Variants in HELZ observed in about 807,000 individuals in gnomAD.
The protein encoded by HELZ is ATP-dependent RNA helicase with zinc finger domain.
HELZ carries 23 observed loss-of-function variants against 218.2 expected under a neutral mutation model. The observed-to-expected ratio is 0.11, with a 90% confidence interval of 0.08 to 0.15. The LOEUF is 0.15. Among genes scored for constraint, HELZ ranks in the 10% least tolerant of loss-of-function variants. The pLI, the probability that HELZ is intolerant of heterozygous loss-of-function variation, is 1.00. For synonymous variants in HELZ, 814 were observed against 829.4 expected (o/e 0.98, Z 0.32); for missense variants, 1,813 against 2,353.7 (o/e 0.77, Z 4.75).
Position 67,107,436 on chromosome 17 carries a change from G to C in HELZ, c.4974C>G (p.Phe1658Leu), listed in dbSNP as rs1408367338. The C allele has an allele frequency of 1.2e-6, 2 of 1,614,168 alleles. No individual in the cohort carries two copies. The highest frequency in any genetic ancestry group is 1.7e-6 in the Non-Finnish European group (2 of 1,180,018). The change falls in exon 31 of 33, where the codon TTC (phenylalanine) becomes TTG (leucine). Residue 1658 changes from phenylalanine to leucine, a missense_variant. Phe to Leu is a conservative substitution (Grantham distance 22). Around this residue, in one of 4 missense-constraint regions of HELZ, gnomAD observed 938 missense variants for 1,027.5 expected, o/e 0.91. Coordinates refer to ENST00000358691, the MANE Select transcript of HELZ (RefSeq NM_014877.4). Reference protein sequence around the residue: ...AFPQRLPPQIFNSPFSLPSEH... With the variant: ...AFPQRLPPQILNSPFSLPSEH... ...CAGATGGCAACGAGAAAGGTGAGTT[G>C]AATATCTGGGGTGGGAGGCGCTGTG...
chr17:67,170,957 G>A (rs998370433), intron 13 of HELZ, among the ~76,000 whole-genome samples: 4 of 151,822 alleles, frequency 2.6e-5, no homozygotes, highest in Non-Finnish European at 4.4e-5. Context: ...CTCAGAGGGA[G>A]GAGATTACTT....
chr17:67,152,382 C>A (rs775678394), intron 17 of HELZ, among the ~76,000 whole-genome samples: 4 of 152,058 alleles, frequency 2.6e-5, no homozygotes, highest in Non-Finnish European at 5.9e-5. Context: ...GTTAAGAGTG[C>A]AGACAAGAGC....
chr17:67,096,214 T>C (rs959844107), intron 31 of HELZ, among the ~76,000 whole-genome samples: 29 of 127,090 alleles, frequency 2.3e-4, no homozygotes, highest in African/African-American at 8.7e-4. Flanking sequence ...ATGCTGTAAA[T>C]GGATATGCTG....
At chr17:67,160,502 A>G (rs1471170478) in intron 16 of HELZ, 140 bp from the exon 17 acceptor site, 1 of 599,282 alleles carries the variant, frequency 1.7e-6, no homozygotes, top group Non-Finnish European at 2.9e-6. Flanking sequence ...AGCATTATTC[A>G]GTGATACCTT....
At chr17:67,084,532 G>A (rs145741841) in intron 32 of HELZ, among the ~76,000 whole-genome samples, 2 of 151,992 alleles carry the variant, frequency 1.3e-5, no homozygotes, top group Non-Finnish European at 2.9e-5. Flanking sequence ...GCGTGGTGGC[G>A]GGCGCCTGTA....
rs928387643 is a variant in HELZ at position 67,076,301 on chromosome 17, T to C, written c.*1951A>G. On this transcript the variant is annotated 3_prime_UTR_variant, in exon 33 of 33. Coordinates refer to ENST00000358691, the MANE Select transcript of HELZ (RefSeq NM_014877.4). ...ACAGACTTAAAAGCACATAGCTACGTGGCAAAACTTTTTCTTCTTTTCTTC... is the reference window on the plus strand; with the variant it reads ...ACAGACTTAAAAGCACATAGCTACGCGGCAAAACTTTTTCTTCTTTTCTTC... 6.6e-6 allele frequency: 1 copy of C among 152,236 alleles called. No individual in the cohort carries two copies. Among genetic ancestry groups the C allele is most frequent in the African/African-American group, 2.4e-5 (1 of 41,464 alleles). The allele number at this position is 152,236 out of a possible 1,614,324, so 9.4% of individuals were successfully genotyped here.
rs146978977 is a variant in HELZ at position 67,177,859 on chromosome 17, T to C, written c.1430+800A>G. ...TTTTCCTTTCTGAATATACTCTTAA[T>C]GAGTGTTCAGTATTTATTAATAATA... On this transcript the variant is annotated intron_variant, in intron 13 of 32. Coordinates refer to ENST00000358691, the MANE Select transcript of HELZ (RefSeq NM_014877.4). 7.8e-3 allele frequency among the ~76,000 whole-genome samples: 1,192 copies of C among 152,182 alleles called. 14 individuals carry two copies. The highest frequency in any genetic ancestry group is 0.025 in the African/African-American group (1,039 of 41,482).
chr17:67,190,733 C>T (rs772355655), intron 9 of HELZ, among the ~76,000 whole-genome samples: 1 of 152,142 alleles, frequency 6.6e-6, no homozygotes, highest in Non-Finnish European at 1.5e-5. Flanking sequence ...GTTTTTGAGA[C>T]GGAGTCTCAC....
chr17:67,099,787 T>C (rs1332977636), intron 31 of HELZ, among the ~76,000 whole-genome samples: 1 of 152,206 alleles, frequency 6.6e-6, no homozygotes, highest in African/African-American at 2.4e-5. Context: ...CTATTTATAA[T>C]TATGCCATCA....
rs1350714930 is a variant in HELZ, at chr17:67,166,555, T to C, written c.1818A>G (p.Ala606=). The part of the protein sequence containing the change: ...NRLPLCEMHY[A]LDRIKDNGVL... ...CCCCATTGTCCTTGATCCTGTCTAG[T>C]GCATAGTGCATTTCACAGAGGGGTA... The change falls in exon 15 of 33, where the codon GCA becomes GCG. Residue 606 remains alanine (A), a synonymous_variant. Transcript: ENST00000358691. 1.2e-6 allele frequency: 2 copies of C among 1,612,826 alleles called. No homozygotes were observed. Among genetic ancestry groups the C allele is most frequent in the Non-Finnish European group, 1.7e-6 (2 of 1,178,942 alleles).
At position 67,107,080 on chromosome 17, in the gene HELZ, A is replaced by T. The variant is rs371899329; in HGVS notation, c.5241+89T>A. The stretch of plus-strand genomic sequence containing the variant: ...TCTTTAATACGCTGTTAAATTCAAT[A>T]AGATCTGTGCCTTCCTATTATCAAA... On this transcript the variant is annotated intron_variant, in intron 31 of 32. Coordinates refer to ENST00000358691, the MANE Select transcript of HELZ (RefSeq NM_014877.4). 193 of 1,200,180 alleles carry T rather than the reference A, an allele frequency of 1.6e-4. 1 individual carries two copies. In the South Asian group the frequency reaches 2.7e-3, roughly 17 times the overall value. 74.3% of individuals were successfully genotyped at this position (1,200,180 alleles called of 1,614,324 possible).
In HELZ at chr17:67,167,722, G is replaced by C; in HGVS notation, c.1505C>G (p.Ala502Gly). ...GCGACCAAAAAGTTGTCCATTCTGA[G>C]CATACTTTGCACCTCCAGAAACACC... ...LTGVSGGAKY[A>G]QNGQLFGRFK... The change falls in exon 14 of 33, where the codon GCT becomes GGT. Residue 502 changes from alanine (A) to glycine (G), a missense_variant. Around this residue, in one of 4 missense-constraint regions of HELZ, gnomAD observed 714 missense variants for 1,029.2 expected, o/e 0.69. Coordinates refer to ENST00000358691, the MANE Select transcript of HELZ (RefSeq NM_014877.4). The C allele has an allele frequency of 6.2e-7, 1 of 1,614,118 alleles. No individual in the cohort carries two copies. Among genetic ancestry groups the C allele is most frequent in the Non-Finnish European group, 8.5e-7 (1 of 1,180,010 alleles).
intron 3 of HELZ, among the ~76,000 whole-genome samples, chr17:67,223,799 T>C (rs577179421): frequency 1.3e-5 from 2 of 152,254 alleles, no homozygotes; most frequent in African/African-American, 4.8e-5. Context: ...CATAAAACAC[T>C]AATTTCCTTT....
Position 67,075,813 on chromosome 17 carries a change from T to G in HELZ, c.*2439A>C, listed in dbSNP as rs745486562. On this transcript the variant is annotated 3_prime_UTR_variant, in exon 33 of 33. Transcript: ENST00000358691. ...GGCTATGGAAATAAGGAATGAGAAG[T>G]ACTCATATACTCACAGCAGAGCGGT... 8.5e-5 allele frequency: 13 copies of G among 152,608 alleles called. No homozygotes were observed. The highest frequency in any genetic ancestry group is 6.5e-4 in the Admixed American group (10 of 15,276). The allele number at this position is 152,608 out of a possible 1,614,324, so 9.5% of individuals were successfully genotyped here. A position where few individuals can be genotyped will look rare whatever the true frequency, so the allele number is the denominator to read the frequency against.
chr17:67,117,345 A>G (rs983235924), intron 27 of HELZ, among the ~76,000 whole-genome samples: 5 of 152,130 alleles, frequency 3.3e-5, no homozygotes, highest in African/African-American at 1.2e-4. Context: ...ATCACCAATA[A>G]TCAGCAACTA....
At chr17:67,103,950 G>T (rs2143711106) in intron 31 of HELZ, among the ~76,000 whole-genome samples, 1 of 152,318 alleles carries the variant, frequency 6.6e-6, no homozygotes, top group South Asian at 2.1e-4. Flanking sequence ...AGCATCTACA[G>T]TCAACTGATT....
At chr17:67,098,521 G>A (rs185321391) in intron 31 of HELZ, among the ~76,000 whole-genome samples, 46 of 151,768 alleles carry the variant, frequency 3.0e-4, no homozygotes, top group African/African-American at 1.1e-3. Flanking sequence ...GATCACCTCA[G>A]GTCAGGAGTT....
Position 67,218,084 on chromosome 17 carries a change from G to A in HELZ, c.210+511C>T, listed in dbSNP as rs528628507. 7.9e-5 allele frequency among the ~76,000 whole-genome samples: 12 copies of A among 151,982 alleles called. No individual in the cohort carries two copies. In the South Asian group the frequency reaches 1.7e-3, roughly 21 times the overall value. Reference sequence around the variant, plus strand: ...TGAGTAGCTGGGATTATAGGCACGCGCTACCACGCCTGGCTAATTTTTGTA... The same window carrying A: ...TGAGTAGCTGGGATTATAGGCACGCACTACCACGCCTGGCTAATTTTTGTA... On this transcript the variant is annotated intron_variant, in intron 4 of 32. Transcript: ENST00000358691.
chr17:67,119,871 T>G, intron 27 of HELZ: 1 of 377,560 alleles, frequency 2.6e-6, no homozygotes, highest in South Asian at 2.0e-5. Flanking sequence ...ACACCAATCA[T>G]AAGTGGTAGG....
Sources: gnomAD v4.1 joint callset for allele counts (sites outside exome capture counted in the v4.1 genomes callset) on GRCh38, gnomAD v4.1.1 for gene constraint, gnomAD v4.1.1 regional missense constraint, MANE v1.5 for transcripts, NCBI Gene and HGNC (gene_info 2026-07-23, HGNC 2026-07-21) for gene names.